Variants in IRAK2 observed in about 807,000 individuals in gnomAD.
The protein encoded by IRAK2 is interleukin-1 receptor-associated kinase-like 2.
Under a neutral mutation model 72.0 loss-of-function variants are expected in IRAK2, and 57 were observed. That is an observed-to-expected ratio of 0.79 (90% CI 0.64 to 0.99). The LOEUF (loss-of-function observed/expected upper bound fraction) is 0.99. Among genes scored for constraint, IRAK2 ranks in the 50% least tolerant of loss-of-function variants. The pLI is 0.00. For missense variants in IRAK2, 790 were observed against 794.4 expected, an observed-to-expected ratio of 0.99 and a Z score of 0.07; for synonymous variants, 293 against 312.7, an observed-to-expected ratio of 0.94 and a Z score of 0.67.
intron 1 of IRAK2, among the ~76,000 whole-genome samples, chr3:10,174,947 G>T (rs1696849633): frequency 8.4e-6 from 1 of 118,692 alleles, no homozygotes; most frequent in Admixed American, 7.7e-5. Flanking sequence ...AAAAAAATTA[G>T]CCAGGAATGG....
chr3:10,239,651 C>T (rs1231683628), intron 12 of IRAK2, among the ~76,000 whole-genome samples: 2 of 151,634 alleles, frequency 1.3e-5, no homozygotes, highest in South Asian at 2.1e-4. Flanking sequence ...TGCTTGAACC[C>T]GGGAGGCAGA....
intron 2 of IRAK2, among the ~76,000 whole-genome samples, chr3:10,193,452 A>C (rs1423569636): frequency 6.7e-6 from 1 of 148,272 alleles, no homozygotes; most frequent in Non-Finnish European, 1.5e-5. Context: ...AAAAAAAAAC[A>C]AAAACAAAAA....
intron 7 of IRAK2, among the ~76,000 whole-genome samples, chr3:10,218,285 G>T (rs187791125): frequency 6.6e-6 from 1 of 152,218 alleles, no homozygotes; most frequent in East Asian, 1.9e-4. Context: ...TTAGCCAGGC[G>T]TGGTGGCGTG....
chr3:10,209,954 C>T (rs976383445), intron 4 of IRAK2, among the ~76,000 whole-genome samples: 1 of 152,172 alleles, frequency 6.6e-6, no homozygotes, highest in East Asian at 1.9e-4. Context: ...GAGTCTCGCT[C>T]TGCCACCCAG....
chr3:10,213,215 C>T lies in IRAK2; in HGVS notation c.537C>T (p.Ser179=), dbSNP rs763538710. The T allele has an allele frequency of 2.5e-6, 4 of 1,613,812 alleles. No individual in the cohort carries two copies. In the African/African-American group the frequency reaches 5.3e-5, roughly 22 times the overall value. The part of the protein sequence containing the change: ...LPTSSDSKDF[S]TSIPKQEKLL... ...TCTCTCTGGGTCTCCAGGACTTCAGCACCTCCATTCCTAAGCAGGAAAAAC... is the reference window on the plus strand; with the variant it reads ...TCTCTCTGGGTCTCCAGGACTTCAGTACCTCCATTCCTAAGCAGGAAAAAC... Residue 179 remains serine, a synonymous_variant, in exon 5 of 13, where the codon AGC becomes AGT. Coordinates refer to ENST00000256458, the MANE Select transcript of IRAK2 (RefSeq NM_001570.4).
chr3:10,217,799 A>G (rs1165022295), intron 7 of IRAK2, among the ~76,000 whole-genome samples: 1 of 152,214 alleles, frequency 6.6e-6, no homozygotes, highest in African/African-American at 2.4e-5. Context: ...CATGGCAGGG[A>G]CAAGACAAAG....
At chr3:10,197,353 C>G (rs1301431352) in intron 2 of IRAK2, among the ~76,000 whole-genome samples, 1 of 150,136 alleles carries the variant, frequency 6.7e-6, no homozygotes, top group African/African-American at 2.5e-5. Context: ...CCACTGTACT[C>G]TAGCCTGGGC....
chr3:10,210,294 T>C (rs1559447886), intron 4 of IRAK2, among the ~76,000 whole-genome samples: 1 of 152,078 alleles, frequency 6.6e-6, no homozygotes, highest in African/African-American at 2.4e-5. Context: ...GGCGGGAGGA[T>C]GGCTTCAGCC....
intron 10 of IRAK2, among the ~76,000 whole-genome samples, chr3:10,227,823 C>T (rs981389567): frequency 6.6e-6 from 1 of 151,964 alleles, no homozygotes; most frequent in African/African-American, 2.4e-5. Flanking sequence ...CGCCCACCAC[C>T]ACACCTGGCT....
chr3:10,168,095 CTTTATG>C (rs955497180), intron 1 of IRAK2, among the ~76,000 whole-genome samples: 2 of 152,150 alleles, frequency 1.3e-5, no homozygotes, highest in African/African-American at 2.4e-5. Flanking sequence ...CTGCATCTGG[CTTTATG>C]TTTAACTATT....
At chr3:10,226,871 G>C (rs1454247326) in intron 10 of IRAK2, among the ~76,000 whole-genome samples, 1 of 150,152 alleles carries the variant, frequency 6.7e-6, no homozygotes, top group African/African-American at 2.5e-5. Flanking sequence ...ACTTGAACCT[G>C]GGAGGCAGAG....
At chr3:10,214,197 G>A (rs1371058902) in intron 6 of IRAK2, among the ~76,000 whole-genome samples, 2 of 151,874 alleles carry the variant, frequency 1.3e-5, no homozygotes, top group Non-Finnish European at 2.9e-5. Flanking sequence ...CTAAAGTGCT[G>A]GGATTACAGG....
At chr3:10,208,147 G>T (rs1314977626) in intron 3 of IRAK2, among the ~76,000 whole-genome samples, 1 of 151,984 alleles carries the variant, frequency 6.6e-6, no homozygotes, top group Non-Finnish European at 1.5e-5. Flanking sequence ...CATGGTGGCT[G>T]GTCCGCACAG....
At chr3:10,236,205 AG>A (rs1697955224) in intron 11 of IRAK2, among the ~76,000 whole-genome samples, 1 of 152,118 alleles carries the variant, frequency 6.6e-6, no homozygotes, top group East Asian at 1.9e-4. Flanking sequence ...AGCACGTTCA[AG>A]GGCCTGGAAG....
chr3:10,234,325 C>T, intron 10 of IRAK2, 134 bp from the exon 11 acceptor site: 2 of 680,774 alleles, frequency 2.9e-6, no homozygotes, highest in Non-Finnish European at 5.2e-6. Flanking sequence ...TTTCTGGAAT[C>T]CTTGCATTTA....
At chr3:10,228,936 ATTT>A (rs35822142) in intron 10 of IRAK2, among the ~76,000 whole-genome samples, 1 of 144,468 alleles carries the variant, frequency 6.9e-6, no homozygotes, top group African/African-American at 2.6e-5. Context: ...TTGTAGTGGC[ATTT>A]TTTTTTTTTT....
chr3:10,213,464 T>C lies in IRAK2; in HGVS notation c.724-20T>C. Reference sequence around the variant, plus strand: ...CAGGGGTGGGGCGGGATCTTCATGTTCTGATGTCTTTCTCTACAGACAGCC... The same window carrying C: ...CAGGGGTGGGGCGGGATCTTCATGTCCTGATGTCTTTCTCTACAGACAGCC... On this transcript the variant is annotated intron_variant, in intron 5 of 12. Coordinates refer to ENST00000256458, the MANE Select transcript of IRAK2 (RefSeq NM_001570.4). 1 of 1,613,790 alleles carries C rather than the reference T, an allele frequency of 6.2e-7. No homozygotes were observed. Among genetic ancestry groups the C allele is most frequent in the Non-Finnish European group, 8.5e-7 (1 of 1,179,726 alleles).
At chr3:10,194,604 G>A (rs559804828) in intron 2 of IRAK2, among the ~76,000 whole-genome samples, 152 of 152,304 alleles carry the variant, frequency 1.0e-3, no homozygotes, top group Non-Finnish European at 1.8e-3. Context: ...GCCTGAATGA[G>A]TGGGCGTTGC....
rs1283793471 is a variant in IRAK2, at chr3:10,203,486, C to T, written c.424+2971C>T. Among the ~76,000 whole-genome samples, 4 of 152,166 alleles carry T rather than the reference C, an allele frequency of 2.6e-5. No individual in the cohort carries two copies. The East Asian group carries it at 7.7e-4, about 29-fold the overall frequency. On this transcript the variant is annotated intron_variant, in intron 3 of 12. Transcript: ENST00000256458. ...GGAAAACCCCAAGGTTCCACTGAGCCCCAGAGTTCAAACTCATCAATTATC... is the reference window on the plus strand; with the variant it reads ...GGAAAACCCCAAGGTTCCACTGAGCTCCAGAGTTCAAACTCATCAATTATC...
Sources: gnomAD v4.1 joint callset for allele counts (sites outside exome capture counted in the v4.1 genomes callset) on GRCh38, gnomAD v4.1.1 for gene constraint, MANE v1.5 for transcripts, NCBI Gene and HGNC (gene_info 2026-07-23, HGNC 2026-07-21) for gene names.